DPP6: variants seen among roughly 807,000 people sequenced by gnomAD.
The protein encoded by DPP6 is A-type potassium channel modulatory protein DPP6.
DPP6 carries 69 observed loss-of-function variants against 122.6 expected under a neutral mutation model. The ratio of observed to expected loss-of-function variants is 0.56; its 90% CI spans 0.46 to 0.69. The LOEUF is 0.69. Ranked by LOEUF, DPP6 falls within the 30% of genes least tolerant of loss-of-function variation. DPP6 has a pLI of 0.00. For missense variants in DPP6, 928 were observed against 1,116.9 expected, an observed-to-expected ratio of 0.83 and a Z score of 2.41; for synonymous variants, 418 against 433.1, an observed-to-expected ratio of 0.97 and a Z score of 0.43.
Position 154,333,520 on chromosome 7 carries a change from C to T in DPP6, c.244-112694C>T, listed in dbSNP as rs536202314. Among the ~76,000 whole-genome samples, 12 of 152,262 alleles carry T rather than the reference C, an allele frequency of 7.9e-5. No homozygotes were observed. In the East Asian group the frequency reaches 2.3e-3, roughly 29 times the overall value. ...CAGGCTGCATTTAGATGGTTTAAAG[C>T]ATTGATTTCTCTCTCTGACAACTCT... On this transcript the variant is annotated intron_variant, in intron 1 of 25. Transcript: ENST00000377770.
chr7:154,662,066 G>T (rs1293980926), intron 6 of DPP6, among the ~76,000 whole-genome samples: 1 of 143,808 alleles, frequency 7.0e-6, no homozygotes, highest in South Asian at 2.3e-4. Flanking sequence ...TCACCATGGC[G>T]TATTGGCCAT....
chr7:154,327,925 A>G (rs1808590110), intron 1 of DPP6, among the ~76,000 whole-genome samples: 1 of 152,196 alleles, frequency 6.6e-6, no homozygotes, highest in South Asian at 2.1e-4. Context: ...GGAAATACAC[A>G]TAGAATGGAA....
chr7:154,487,021 G>C lies in DPP6; in HGVS notation c.457+11984G>C, dbSNP rs550103990. On this transcript the variant is annotated intron_variant, in intron 3 of 25. Transcript: ENST00000377770. The stretch of plus-strand genomic sequence containing the variant: ...TTTCCTTGGCAAACGTTGCATCCCT[G>C]GGAAATTTAAATACAACTTCCATCT... 5.9e-5 allele frequency among the ~76,000 whole-genome samples: 9 copies of C among 152,242 alleles called. No homozygotes were observed. In the South Asian group the frequency reaches 1.9e-3, roughly 32 times the overall value.
chr7:154,407,310 A>G (rs1039879506), intron 1 of DPP6, among the ~76,000 whole-genome samples: 2 of 152,180 alleles, frequency 1.3e-5, no homozygotes, highest in African/African-American at 4.8e-5. Flanking sequence ...TTGGTTCATC[A>G]TGGTTCCCTT....
chr7:154,134,270 G>T (rs1795431783), intron 1 of DPP6, among the ~76,000 whole-genome samples: 1 of 152,150 alleles, frequency 6.6e-6, no homozygotes, highest in Non-Finnish European at 1.5e-5. Context: ...CCAGGGTGAG[G>T]AATTGGAATT....
chr7:154,744,013 C>T (rs1842929973), intron 8 of DPP6, among the ~76,000 whole-genome samples: 1 of 152,158 alleles, frequency 6.6e-6, no homozygotes, highest in African/African-American at 2.4e-5. Flanking sequence ...TGACAAGCGG[C>T]CCTGTGTCCC....
At chr7:154,542,952 T>A (rs1004120901) in intron 4 of DPP6, among the ~76,000 whole-genome samples, 3 of 152,196 alleles carry the variant, frequency 2.0e-5, no homozygotes, top group Admixed American at 6.5e-5. Flanking sequence ...GGGTACTCTG[T>A]GAGATCCAGC....
At chr7:154,536,925 C>G (rs1388542) in intron 3 of DPP6, among the ~76,000 whole-genome samples, 30,174 of 152,082 alleles carry the variant, frequency 0.2, 3,532 homozygotes, top group Non-Finnish European at 0.27. Flanking sequence ...ACATTCATGT[C>G]ATTTCCCAGT....
intron 16 of DPP6, 131 bp downstream of exon 16, chr7:154,807,243 CCCGCCTA>C: frequency 7.6e-7 from 1 of 1,315,148 alleles, no homozygotes; most frequent in South Asian, 1.5e-5. Context: ...AGGTGAGGAT[CCCGCCTA>C]CCTGATAACA....
At chr7:154,528,408 C>A (rs900771742) in intron 3 of DPP6, among the ~76,000 whole-genome samples, 10 of 152,166 alleles carry the variant, frequency 6.6e-5, no homozygotes, top group African/African-American at 2.4e-4. Context: ...AAACACCATG[C>A]CTACGCCTCC....
chr7:154,214,746 T>A (rs1171115455), intron 1 of DPP6, among the ~76,000 whole-genome samples: 1 of 152,076 alleles, frequency 6.6e-6, no homozygotes, highest in Admixed American at 6.6e-5. Context: ...GTGAGACCCG[T>A]CTTTACCAAA....
At chr7:154,487,954 G>A (rs759252270) in intron 3 of DPP6, among the ~76,000 whole-genome samples, 1 of 152,060 alleles carries the variant, frequency 6.6e-6, no homozygotes, top group Non-Finnish European at 1.5e-5. Flanking sequence ...TCTCTGTCTG[G>A]CTCTTGACAG....
At chr7:154,432,251 A>G (rs1355261330) in intron 1 of DPP6, among the ~76,000 whole-genome samples, 1 of 152,180 alleles carries the variant, frequency 6.6e-6, no homozygotes, top group Non-Finnish European at 1.5e-5. Flanking sequence ...AATACATGTT[A>G]TTTGAAGATT....
chr7:154,175,885 G>A (rs772418706), intron 1 of DPP6, among the ~76,000 whole-genome samples: 3 of 152,012 alleles, frequency 2.0e-5, no homozygotes, highest in African/African-American at 4.8e-5. Flanking sequence ...ACGGAGTTTC[G>A]TCATCTTGGC....
chr7:154,174,254 T>C (rs6980303), intron 1 of DPP6, among the ~76,000 whole-genome samples: 8,045 of 152,258 alleles, frequency 0.053, 583 homozygotes, highest in African/African-American at 0.16. Flanking sequence ...AAAACTGAAA[T>C]AATAAAAAGA....
At chr7:154,248,294 G>C (rs1585735899) in intron 1 of DPP6, among the ~76,000 whole-genome samples, 1 of 152,138 alleles carries the variant, frequency 6.6e-6, no homozygotes, top group Admixed American at 6.6e-5. Flanking sequence ...AGAAGGCTGC[G>C]CTTCTAATAC....
intron 10 of DPP6, among the ~76,000 whole-genome samples, chr7:154,781,142 G>T (rs1797000918): frequency 6.6e-6 from 1 of 152,096 alleles, no homozygotes; most frequent in African/African-American, 2.4e-5. Context: ...TGGAAAAATG[G>T]TTGATGGATA....
In DPP6 at chr7:154,298,268, C is replaced by CCACACA. The variant is rs773227930; in HGVS notation, c.244-147939_244-147934dup. 5.7e-4 allele frequency among the ~76,000 whole-genome samples: 86 copies of CCACACA among 150,450 alleles called. 1 individual carries two copies. The highest frequency in any genetic ancestry group is 1.9e-3 in the African/African-American group (78 of 40,862). On this transcript the variant is annotated intron_variant, in intron 1 of 25. Transcript: ENST00000377770. ...TCCTTAAAAATCTGTCTCTCTCTCT[C>CCACACA]CACACACACACATACACACACTATT... is the stretch of plus-strand genomic sequence containing the variant.
intron 7 of DPP6, among the ~76,000 whole-genome samples, chr7:154,706,281 A>T (rs1840824805): frequency 6.6e-6 from 1 of 152,122 alleles, no homozygotes; most frequent in African/African-American, 2.4e-5. Context: ...GCCTCGGTGA[A>T]CGTGGCTCCC....
Sources: allele counts gnomAD v4.1 joint callset (sites outside exome capture counted in the v4.1 genomes callset), GRCh38; gene constraint gnomAD v4.1.1; transcripts MANE v1.5; gene names NCBI Gene and HGNC (gene_info 2026-07-23, HGNC 2026-07-21).